NMNAT1: variants seen among roughly 807,000 people sequenced by gnomAD.
NMNAT1 encodes the protein nicotinamide nucleotide adenylyltransferase 1, also known as nicotinamide/nicotinic acid mononucleotide adenylyltransferase 1.
A neutral mutation model predicts 16.7 loss-of-function variants in NMNAT1; 11 were observed. The observed-to-expected ratio is 0.66, with a 90% CI of 0.41 to 1.09. The LOEUF (loss-of-function observed/expected upper bound fraction) is 1.09. Among genes scored for constraint, NMNAT1 ranks in the 50% least tolerant of loss-of-function variants. The pLI is 0.00. For missense variants in NMNAT1, 280 were observed against 332.3 expected (o/e 0.84, Z 1.22); for synonymous variants, 110 against 119.8 (o/e 0.92, Z 0.53).
intron 1 of NMNAT1, among the ~76,000 whole-genome samples, chr1:9,947,908 T>C (rs1267190175): frequency 6.6e-6 from 1 of 152,196 alleles, no homozygotes; most frequent in Non-Finnish European, 1.5e-5. Flanking sequence ...GAGAGATCCT[T>C]AAAAATATGT....
intron 3 of NMNAT1, among the ~76,000 whole-genome samples, chr1:9,977,994 C>T (rs1378935072): frequency 1.3e-5 from 2 of 152,108 alleles, no homozygotes; most frequent in Admixed American, 6.6e-5. Context: ...AAGTTGGTGA[C>T]GGACAGTGGA....
At chr1:9,964,495 G>A (rs188137728) in intron 1 of NMNAT1, among the ~76,000 whole-genome samples, 132 of 151,478 alleles carry the variant, frequency 8.7e-4, no homozygotes, top group African/African-American at 3.0e-3. Context: ...CCATGTTCAA[G>A]CTAAACCTCC....
At chr1:9,950,567 A>G (rs915598405) in intron 1 of NMNAT1, 2 of 152,296 alleles carry the variant, frequency 1.3e-5, no homozygotes, top group Non-Finnish European at 2.9e-5. Flanking sequence ...CAGGACCCAG[A>G]TGGCTCAGAC....
intron 1 of NMNAT1, among the ~76,000 whole-genome samples, chr1:9,968,080 G>GGTTTTTTTT (rs1641597218): frequency 8.5e-6 from 1 of 117,774 alleles, no homozygotes. Context: ...TTTTTTTTTT[G>GGTTTTTTTT]TTTTTTTTTG....
At chr1:9,965,295 AAC>A in intron 1 of NMNAT1, among the ~76,000 whole-genome samples, 1 of 147,448 alleles carries the variant, frequency 6.8e-6, no homozygotes, top group African/African-American at 2.5e-5. Flanking sequence ...CCAGCTTGGC[AAC>A]AGAGCGAGAC....
chr1:9,990,624 A>AGG, the NMNAT1 span, among the ~76,000 whole-genome samples: 1 of 152,100 alleles, frequency 6.6e-6, no homozygotes, highest in South Asian at 2.1e-4. Flanking sequence ...TGCAGTAGGG[A>AGG]GGGGAGGTAT....
upstream of NMNAT1, chr1:9,943,143 T>C (rs1161510475): frequency 5.7e-6 from 1 of 176,384 alleles, no homozygotes; most frequent in African/African-American, 2.3e-5. Flanking sequence ...ACGCGGGAAC[T>C]TGAAGTCCGG....
chr1:9,950,183 C>T (rs975398272), intron 1 of NMNAT1, among the ~76,000 whole-genome samples: 3 of 151,966 alleles, frequency 2.0e-5, no homozygotes, highest in African/African-American at 7.3e-5. Context: ...CTCTGCCTCC[C>T]GGGTTCAAGT....
downstream of NMNAT1, among the ~76,000 whole-genome samples, chr1:9,989,905 G>A (rs978295388): frequency 7.9e-5 from 12 of 152,128 alleles, no homozygotes; most frequent in African/African-American, 2.4e-4. Context: ...ATGCTGCTGC[G>A]GGGCCCACAC....
chr1:9,962,058 G>A (rs1311072970), intron 1 of NMNAT1, among the ~76,000 whole-genome samples: 2 of 151,830 alleles, frequency 1.3e-5, no homozygotes, highest in South Asian at 2.1e-4. Context: ...ATGACCTACC[G>A]CGCCCGGACC....
At chr1:9,962,291 G>T (rs902389636) in intron 1 of NMNAT1, among the ~76,000 whole-genome samples, 3 of 151,330 alleles carry the variant, frequency 2.0e-5, no homozygotes, top group Admixed American at 6.6e-5. Context: ...GACCATCCTG[G>T]CTAACATGGT....
At chr1:9,968,080 G>GTTGTTTTTTTT (rs1553126651) in intron 1 of NMNAT1, among the ~76,000 whole-genome samples, 12 of 117,774 alleles carry the variant, frequency 1.0e-4, no homozygotes, top group Non-Finnish European at 1.5e-4. Flanking sequence ...TTTTTTTTTT[G>GTTGTTTTTTTT]TTTTTTTTTG....
intron 3 of NMNAT1, among the ~76,000 whole-genome samples, chr1:9,979,899 GATA>G (rs976097576): frequency 1.5e-4 from 23 of 152,010 alleles, no homozygotes; most frequent in African/African-American, 4.8e-4. Flanking sequence ...CCCTTACGGA[GATA>G]ATAATATTTA....
downstream of NMNAT1, among the ~76,000 whole-genome samples, chr1:9,989,317 G>C (rs546503964): frequency 9.9e-5 from 15 of 152,192 alleles, no homozygotes; most frequent in Admixed American, 4.6e-4. Flanking sequence ...AATTAGCCAG[G>C]CATGGTGGCG....
At chr1:9,962,869 G>T (rs1433271188) in intron 1 of NMNAT1, among the ~76,000 whole-genome samples, 3 of 151,944 alleles carry the variant, frequency 2.0e-5, no homozygotes, top group Non-Finnish European at 4.4e-5. Context: ...TTTTAGTAGA[G>T]ACAGGGTTTC....
At chr1:9,988,488 G>T (rs1642073179), downstream of NMNAT1, among the ~76,000 whole-genome samples, 1 of 151,884 alleles carries the variant, frequency 6.6e-6, no homozygotes, top group Non-Finnish European at 1.5e-5. Flanking sequence ...ATCACCTAAG[G>T]TCAGGAGTTC....
intron 1 of NMNAT1, among the ~76,000 whole-genome samples, chr1:9,968,067 A>AGGTTTTTTTTTTT (rs1553126592): frequency 2.8e-5 from 2 of 71,792 alleles, no homozygotes; most frequent in Non-Finnish European, 7.8e-5. Context: ...TGCCAAATGT[A>AGGTTTTTTTTTTT]GTTTTTTTTT....
At chr1:9,956,420 C>CTTTTT (rs758331917) in intron 1 of NMNAT1, among the ~76,000 whole-genome samples, 1 of 117,566 alleles carries the variant, frequency 8.5e-6, no homozygotes, top group Non-Finnish European at 1.7e-5. Flanking sequence ...ATTGGTCTAC[C>CTTTTT]TTTTTTTTTT....
At chr1:9,959,846 T>G (rs1317684255) in intron 1 of NMNAT1, among the ~76,000 whole-genome samples, 2 of 152,148 alleles carry the variant, frequency 1.3e-5, no homozygotes, top group Non-Finnish European at 2.9e-5. Context: ...AAAGACAGAT[T>G]TATCCCCAGT....
Sources: gnomAD v4.1 joint callset for allele counts (sites outside exome capture counted in the v4.1 genomes callset) on GRCh38, gnomAD v4.1.1 for gene constraint, MANE v1.5 for transcripts, NCBI Gene and HGNC (gene_info 2026-07-23, HGNC 2026-07-21) for gene names.